Variants in ROBO2 observed in about 807,000 individuals in gnomAD.
ROBO2 encodes the protein roundabout guidance receptor 2.
A neutral mutation model predicts 160.8 loss-of-function variants in ROBO2; 53 were observed. That is an observed-to-expected ratio of 0.33 (90% CI 0.26 to 0.41). The LOEUF is 0.41. ROBO2 is among the 10% of genes least tolerant of loss of function. The pLI is 1.00. For synonymous variants in ROBO2, 664 were observed against 611.7 expected (o/e 1.09, Z -1.26); for missense variants, 1,577 against 1,722.4 (o/e 0.92, Z 1.49).
At chr3:77,596,004 C>T (rs2094294347) in intron 18 of ROBO2, among the ~76,000 whole-genome samples, 1 of 152,008 alleles carries the variant, frequency 6.6e-6, no homozygotes, top group Non-Finnish European at 1.5e-5. Context: ...GGAAATTTTA[C>T]TTATAGACTA....
At chr3:75,959,300 A>G (rs1361793009) in intron 2 of ROBO2, among the ~76,000 whole-genome samples, 1 of 151,698 alleles carries the variant, frequency 6.6e-6, no homozygotes, top group African/African-American at 2.4e-5. Context: ...TACAATTAAT[A>G]TATTTTCACT....
At chr3:76,661,951 T>G (rs1298542363) in intron 2 of ROBO2, among the ~76,000 whole-genome samples, 1 of 152,218 alleles carries the variant, frequency 6.6e-6, no homozygotes, top group Non-Finnish European at 1.5e-5. Context: ...GCCTGTTATC[T>G]GTCATGTGAT....
intron 2 of ROBO2, among the ~76,000 whole-genome samples, chr3:76,821,107 ATCT>A (rs1040319974): frequency 4.0e-4 from 61 of 152,110 alleles, no homozygotes; most frequent in African/African-American, 1.4e-3. Flanking sequence ...TCAGGAAATA[ATCT>A]TCTGCGTATT....
At chr3:76,517,361 C>T (rs937275611) in intron 2 of ROBO2, among the ~76,000 whole-genome samples, 14 of 152,116 alleles carry the variant, frequency 9.2e-5, no homozygotes, top group African/African-American at 3.4e-4. Flanking sequence ...TAAGTGTTTA[C>T]TAGGAGCCAG....
At chr3:76,673,444 G>A (rs1166723013) in intron 2 of ROBO2, among the ~76,000 whole-genome samples, 1 of 152,156 alleles carries the variant, frequency 6.6e-6, no homozygotes, top group Non-Finnish European at 1.5e-5. Flanking sequence ...ATTTTCACAG[G>A]AGTCTTGTGG....
intron 2 of ROBO2, among the ~76,000 whole-genome samples, chr3:76,575,996 G>A (rs2085265828): frequency 6.6e-6 from 1 of 151,866 alleles, no homozygotes; most frequent in Non-Finnish European, 1.5e-5. Flanking sequence ...TTTAAAATTG[G>A]AAGAATTTCA....
chr3:77,558,182 A>G (rs17525412), intron 9 of ROBO2, 33 bp downstream of exon 10: 63,229 of 1,557,622 alleles, frequency 0.041, 1,471 homozygotes, highest in Non-Finnish European at 0.045. Context: ...ATGAATTATC[A>G]TCTACACATA....
chr3:77,339,212 G>T (rs1038694582), intron 2 of ROBO2, among the ~76,000 whole-genome samples: 7 of 151,692 alleles, frequency 4.6e-5, no homozygotes, highest in Non-Finnish European at 8.8e-5. Flanking sequence ...TATATATTCC[G>T]TATGGTTGAA....
chr3:75,949,344 T>C (rs1009451653), intron 2 of ROBO2, among the ~76,000 whole-genome samples: 8 of 152,122 alleles, frequency 5.3e-5, no homozygotes, highest in African/African-American at 9.6e-5. Flanking sequence ...ACTATTCTTC[T>C]TGGATATACA....
chr3:76,019,782 A>C (rs1443857165), intron 2 of ROBO2, among the ~76,000 whole-genome samples: 5 of 149,576 alleles, frequency 3.3e-5, no homozygotes, highest in Non-Finnish European at 5.9e-5. Flanking sequence ...TAATATTTGC[A>C]TTATGGCCTC....
At chr3:77,632,884 C>T (rs1455792827) in intron 23 of ROBO2, 4 of 362,816 alleles carry the variant, frequency 1.1e-5, no homozygotes, top group South Asian at 1.2e-4. Flanking sequence ...TTTCTCTTCA[C>T]GGCTTTACTG....
chr3:76,603,343 AAAAAAAAAATATATATAT>A lies in ROBO2; in HGVS notation c.110-494669_110-494652del, dbSNP rs1467736007. On this transcript the variant is annotated intron_variant, in intron 2 of 26. Coordinates refer to the ROBO2 transcript ENST00000487694. ...CGAGACTCCATCTCCAAAAAAAAAA[AAAAAAAAAATATATATAT>A]ATATATATATATATATATATATATA... is the stretch of plus-strand genomic sequence containing the variant. 3.7e-4 allele frequency among the ~76,000 whole-genome samples: 28 copies of A among 75,540 alleles called. 1 individual carries two copies. Among genetic ancestry groups the A allele is most frequent in the South Asian group, 2.0e-3 (4 of 2,000 alleles). 49.6% of individuals were successfully genotyped at this position (75,540 alleles called of 152,430 possible). A position where few individuals can be genotyped will look rare whatever the true frequency, so the allele number is the denominator to read the frequency against.
chr3:76,081,048 G>A (rs533593644), intron 2 of ROBO2, among the ~76,000 whole-genome samples: 1 of 152,012 alleles, frequency 6.6e-6, no homozygotes, highest in African/African-American at 2.4e-5. Flanking sequence ...TAAGGGCTTT[G>A]TGGCAAGAAA....
intron 2 of ROBO2, among the ~76,000 whole-genome samples, chr3:76,292,016 C>T (rs1282159185): frequency 2.0e-5 from 3 of 151,810 alleles, no homozygotes; most frequent in African/African-American, 7.3e-5. Context: ...TTATAGATAT[C>T]TGTTAGGGCT....
At position 76,810,678 on chromosome 3, in the gene ROBO2, CT is replaced by C. The variant is rs2065092029; in HGVS notation, c.110-287335del. 2.0e-5 allele frequency among the ~76,000 whole-genome samples: 3 copies of C among 152,018 alleles called. No homozygotes were observed. In the South Asian group the frequency reaches 6.2e-4, roughly 31 times the overall value. On this transcript the variant is annotated intron_variant, in intron 2 of 26. Transcript: ENST00000487694. ...AAGACTACTGAATATTATCATTTTG[CT>C]GAGTATTTAGCATGAAGGTTTTAGG...
intron 2 of ROBO2, among the ~76,000 whole-genome samples, chr3:76,146,138 C>T (rs189220504): frequency 5.2e-4 from 79 of 152,076 alleles, no homozygotes; most frequent in African/African-American, 1.9e-3. Context: ...GGCAAAACTC[C>T]AACACTAGAT....
intron 2 of ROBO2, among the ~76,000 whole-genome samples, chr3:77,174,165 C>A (rs1228499912): frequency 6.6e-6 from 1 of 152,044 alleles, no homozygotes; most frequent in Non-Finnish European, 1.5e-5. Context: ...AGTAATGACA[C>A]CTTTAAACCA....
chr3:76,252,241 T>C (rs955610818), intron 2 of ROBO2, among the ~76,000 whole-genome samples: 4 of 152,100 alleles, frequency 2.6e-5, no homozygotes, highest in African/African-American at 9.7e-5. Context: ...GCTGGGATTA[T>C]ACAGATTGGT....
intron 2 of ROBO2, among the ~76,000 whole-genome samples, chr3:76,355,781 C>T (rs756562788): frequency 1.6e-4 from 24 of 151,660 alleles, no homozygotes; most frequent in African/African-American, 4.1e-4. Flanking sequence ...TTGGGAGCTA[C>T]GATTTTTTTG....
Sources: allele counts gnomAD v4.1 joint callset (sites outside exome capture counted in the v4.1 genomes callset), GRCh38; gene constraint gnomAD v4.1.1; transcripts MANE v1.5; gene names NCBI Gene and HGNC (gene_info 2026-07-23, HGNC 2026-07-21).